The following RDX variants were observed in gnomAD, a reference collection of about 807,000 sequenced individuals.
The protein encoded by RDX is radixin.
RDX carries 32 observed loss-of-function variants against 83.7 expected under a neutral mutation model. That is an observed-to-expected ratio of 0.38 (90% confidence interval 0.29 to 0.51). RDX has a LOEUF of 0.51. Ranked by LOEUF, RDX falls within the 20% of genes least tolerant of loss-of-function variation. The probability of loss-of-function intolerance (pLI) is 0.87; values close to 1 mark genes in which losing one functional copy is unlikely to be tolerated. For missense variants in RDX, 600 were observed against 689.9 expected, an observed-to-expected ratio of 0.87 and a Z score of 1.46; for synonymous variants, 229 against 222.7, an observed-to-expected ratio of 1.03 and a Z score of -0.25.
At chr11:110,293,368 A>G (rs1322489509) in intron 1 of RDX, among the ~76,000 whole-genome samples, 1 of 152,196 alleles carries the variant, frequency 6.6e-6, no homozygotes, top group Non-Finnish European at 1.5e-5. Flanking sequence ...TTGCCATAAA[A>G]TATATCACTT....
intron 14 of RDX, among the ~76,000 whole-genome samples, chr11:110,204,112 AAG>A (rs1863514977): frequency 2.0e-5 from 3 of 152,186 alleles, no homozygotes; most frequent in Admixed American, 6.5e-5. Flanking sequence ...TCAACTCAGT[AAG>A]AAACAGAATA....
chr11:110,241,198 C>T (rs1306213231), intron 10 of RDX, among the ~76,000 whole-genome samples: 1 of 152,078 alleles, frequency 6.6e-6, no homozygotes, highest in Non-Finnish European at 1.5e-5. Flanking sequence ...GTATACGGCA[C>T]TGGATGTTAC....
chr11:110,192,881 AGGTGTG>A (rs1359334630), intron 15 of RDX, among the ~76,000 whole-genome samples: 1 of 152,078 alleles, frequency 6.6e-6, no homozygotes, highest in African/African-American at 2.4e-5. Context: ...GATGCTGGTG[AGGTGTG>A]GAGAAAGAGA....
intron 12 of RDX, 137 bp from the exon 13 acceptor site, chr11:110,233,616 C>T: frequency 1.1e-6 from 1 of 872,462 alleles, no homozygotes; most frequent in Non-Finnish European, 1.8e-6. Flanking sequence ...CCTCTATTTT[C>T]ATAAAAGAAT....
intron 10 of RDX, among the ~76,000 whole-genome samples, chr11:110,247,223 T>C (rs1420294498): frequency 6.6e-6 from 1 of 152,210 alleles, no homozygotes; most frequent in Non-Finnish European, 1.5e-5. Flanking sequence ...CGTCTATGTG[T>C]TGTGTATTTT....
At chr11:110,219,487 C>T (rs1364443145) in intron 14 of RDX, among the ~76,000 whole-genome samples, 1 of 152,146 alleles carries the variant, frequency 6.6e-6, no homozygotes, top group East Asian at 1.9e-4. Flanking sequence ...AACAGGAAAT[C>T]AAGAAAACAG....
intron 15 of RDX, among the ~76,000 whole-genome samples, chr11:110,180,423 A>T (rs927680862): frequency 2.0e-5 from 3 of 152,078 alleles, no homozygotes; most frequent in Non-Finnish European, 4.4e-5. Flanking sequence ...CCTCCTCTCC[A>T]GGCCAGGAAG....
intron 7 of RDX, among the ~76,000 whole-genome samples, chr11:110,257,132 T>A (rs1250379581): frequency 6.6e-6 from 1 of 151,060 alleles, no homozygotes; most frequent in Non-Finnish European, 1.5e-5. Context: ...ACCCATGTAT[T>A]TGTATAGTAC....
chr11:110,213,190 C>T (rs1863905092), intron 14 of RDX, among the ~76,000 whole-genome samples: 1 of 151,514 alleles, frequency 6.6e-6, no homozygotes, highest in Admixed American at 6.6e-5. Context: ...TCTTATACAC[C>T]AACAACAGAC....
At chr11:110,211,270 G>A (rs1007760522) in intron 14 of RDX, among the ~76,000 whole-genome samples, 3 of 152,176 alleles carry the variant, frequency 2.0e-5, no homozygotes, top group African/African-American at 4.8e-5. Context: ...GATCAATTCA[G>A]CAAGAAGAGC....
chr11:110,203,475 G>A (rs1239928472), intron 14 of RDX, among the ~76,000 whole-genome samples: 1 of 150,496 alleles, frequency 6.6e-6, no homozygotes, highest in Non-Finnish European at 1.5e-5. Flanking sequence ...AGCACAAGGT[G>A]ACTATAATCA....
chr11:110,256,133 ACTATTGTC>A (rs1329052835), intron 7 of RDX, among the ~76,000 whole-genome samples: 1 of 152,152 alleles, frequency 6.6e-6, no homozygotes, highest in Non-Finnish European at 1.5e-5. Flanking sequence ...CAAATGCATC[ACTATTGTC>A]CTATTGTCCT....
intron 1 of RDX, among the ~76,000 whole-genome samples, chr11:110,289,228 A>G (rs1042280369): frequency 2.6e-4 from 39 of 148,786 alleles, no homozygotes; most frequent in African/African-American, 9.8e-4. Context: ...ACAAGAGCAA[A>G]ACTCTATCTC....
At chr11:110,183,643 C>A (rs1862930831) in intron 15 of RDX, among the ~76,000 whole-genome samples, 1 of 152,206 alleles carries the variant, frequency 6.6e-6, no homozygotes, top group African/African-American at 2.4e-5. Context: ...TATTTTTAAG[C>A]CTGGTGAAGC....
chr11:110,183,575 C>G (rs1444237711), intron 15 of RDX, among the ~76,000 whole-genome samples: 1 of 152,242 alleles, frequency 6.6e-6, no homozygotes, highest in Non-Finnish European at 1.5e-5. Context: ...CCTTCTGCCT[C>G]TGCCTCCCAA....
chr11:110,178,298 C>T (rs1248234317), intron 15 of RDX, among the ~76,000 whole-genome samples: 2 of 151,360 alleles, frequency 1.3e-5, no homozygotes, highest in Non-Finnish European at 2.9e-5. Context: ...AATTTGGGTT[C>T]AGTACTTTCC....
chr11:110,229,073 ATATACT>A (rs1346579804), downstream of RDX, among the ~76,000 whole-genome samples: 2 of 152,006 alleles, frequency 1.3e-5, no homozygotes, highest in Non-Finnish European at 2.9e-5. Context: ...ACTTACATAA[ATATACT>A]TAGCATACAG....
chr11:110,275,241 T>C (rs530303234), intron 2 of RDX, among the ~76,000 whole-genome samples: 6 of 152,302 alleles, frequency 3.9e-5, no homozygotes, highest in African/African-American at 1.4e-4. Flanking sequence ...TTGCATTACA[T>C]GATTAAAGGG....
At chr11:110,266,572 AT>A (rs565964694) in intron 3 of RDX, among the ~76,000 whole-genome samples, 426 of 145,138 alleles carry the variant, frequency 2.9e-3, no homozygotes, top group Middle Eastern at 3.5e-3. Context: ...GTTTTTGCTT[AT>A]TTTTTTTTTT....
Sources: allele counts gnomAD v4.1 joint callset (sites outside exome capture counted in the v4.1 genomes callset), GRCh38; gene constraint gnomAD v4.1.1; transcripts MANE v1.5; gene names NCBI Gene and HGNC (gene_info 2026-07-23, HGNC 2026-07-21).